ALG10: variants seen among roughly 807,000 people sequenced by gnomAD.
ALG10 encodes ALG10 alpha-1,2-glucosyltransferase.
A neutral mutation model predicts 39.2 loss-of-function variants in ALG10; 25 were observed. The observed-to-expected ratio is 0.64, with a 90% CI of 0.46 to 0.89. The LOEUF (loss-of-function observed/expected upper bound fraction) is 0.89. ALG10 is among the 40% of genes least tolerant of loss of function. The pLI, the probability that ALG10 is intolerant of heterozygous loss-of-function variation, is 0.00. For synonymous variants in ALG10, 184 were observed against 193.9 expected (o/e 0.95, Z 0.42); for missense variants, 486 against 546.6 (o/e 0.89, Z 1.11).
upstream of ALG10, chr12:34,022,381 G>A (rs1289846422): frequency 3.6e-5 from 23 of 647,266 alleles, no homozygotes; most frequent in Non-Finnish European, 4.6e-5. Context: ...CGATTGAGAG[G>A]GTAATCATCC....
chr12:34,025,421 A>C (rs1313025961), intron 2 of ALG10, among the ~76,000 whole-genome samples: 2 of 152,178 alleles, frequency 1.3e-5, no homozygotes, highest in Non-Finnish European at 2.9e-5. Context: ...CCTTGTGTAG[A>C]GTTATGAAGG....
upstream of ALG10, chr12:34,022,494 C>G (rs1330974677): frequency 6.3e-7 from 1 of 1,579,386 alleles, no homozygotes; most frequent in Non-Finnish European, 8.7e-7. Context: ...CCCCGTCTGG[C>G]TAGTCCCGCC....
intron 1 of ALG10, chr12:34,023,111 CTT>C (rs760826874): frequency 3.8e-6 from 1 of 260,956 alleles, no homozygotes; most frequent in Middle Eastern, 1.2e-3. Flanking sequence ...TACCAGAAAA[CTT>C]TCCTTTAGCT....
chr12:34,022,857 C>T, intron 1 of ALG10, 87 bp downstream of exon 1: 1 of 1,569,132 alleles, frequency 6.4e-7, no homozygotes. Context: ...CTTCACTCGT[C>T]CTGTTCCACC....
intron 1 of ALG10, 132 bp from the exon 2 acceptor site, chr12:34,023,830 A>C: frequency 1.6e-6 from 2 of 1,246,282 alleles, no homozygotes; most frequent in Non-Finnish European, 1.2e-6. Flanking sequence ...CCAAGGACTT[A>C]CTTAATCTTG....
chr12:34,022,457 C>T (rs1221955898), upstream of ALG10: 10 of 1,356,370 alleles, frequency 7.4e-6, no homozygotes, highest in African/African-American at 4.3e-5. Context: ...CGCGCTCTCC[C>T]AGCATCCTTT....
In ALG10 at chr12:34,027,259, A is replaced by G. The variant is rs573089394; in HGVS notation, c.*344A>G. 1 of 166,416 alleles carries G rather than the reference A, an allele frequency of 6.0e-6. No homozygotes were observed. The highest frequency in any genetic ancestry group is 2.4e-5 in the African/African-American group (1 of 42,074). The allele number at this position is 166,416 out of a possible 1,614,324, so 10.3% of individuals were successfully genotyped here. A position where few individuals can be genotyped will look rare whatever the true frequency, so the allele number is the denominator to read the frequency against. ...TGCTTCATATTACTGGAATGAATTT[A>G]TTCTCTTCAGAGAGAAATATTAGGT... On this transcript the variant is annotated 3_prime_UTR_variant, in exon 3 of 3. Coordinates refer to ENST00000266483, the MANE Select transcript of ALG10 (RefSeq NM_032834.4).
At chr12:34,023,031 G>A in intron 1 of ALG10, 1 of 509,312 alleles carries the variant, frequency 2.0e-6, no homozygotes, top group Non-Finnish European at 3.4e-6. Flanking sequence ...CCTCTTGGCA[G>A]CTGACGATAT....
At chr12:34,022,403 TA>T, upstream of ALG10, 1 of 835,592 alleles carries the variant, frequency 1.2e-6, no homozygotes, top group Non-Finnish European at 1.9e-6. Flanking sequence ...GTCCGTTATC[TA>T]AACCCGTCAC....
rs1165713335 is a variant in ALG10, at chr12:34,026,295, G to T, written c.802G>T (p.Val268Leu). The change falls in exon 3 of 3, where the codon GTA becomes TTA. Residue 268 changes from valine (V) to leucine (L), a missense_variant. Val to Leu is a conservative substitution (Grantham distance 32, BLOSUM62 1). Coordinates refer to ENST00000266483, the MANE Select transcript of ALG10 (RefSeq NM_032834.4). ...ILLGFLFCAF[V>L]VVNGGIVIGD... ...TCTGGGATTTCTGTTTTGTGCTTTT[G>T]TAGTAGTTAATGGTGGAATTGTTAT... is the stretch of plus-strand genomic sequence containing the variant. The T allele has an allele frequency of 1.9e-6, 3 of 1,614,094 alleles. No homozygotes were observed. Among genetic ancestry groups the T allele is most frequent in the Non-Finnish European group, 2.5e-6 (3 of 1,179,976 alleles).
In ALG10 at chr12:34,022,609, C is replaced by G. The variant is rs774202014; in HGVS notation, c.10C>G (p.Leu4Val). The G allele has an allele frequency of 6.2e-7, 1 of 1,614,130 alleles. No homozygotes were observed. The change falls in exon 1 of 3, where the codon CTG (leucine) becomes GTG (valine). Residue 4 changes from leucine (L) to valine (V), a missense_variant. Physicochemically the swap from Leu to Val is conservative, Grantham distance 32 (BLOSUM62 1). Coordinates refer to ENST00000266483, the MANE Select transcript of ALG10 (RefSeq NM_032834.4). ...GGCTGTGGGAGCTGGAATGGCGCAG[C>G]TGGAAGGTTACTATTTCTCGGCCGC... MAQ[L>V]EGYYFSAALS...
rs1304388790 is a variant in ALG10 at position 34,026,060 on chromosome 12, TATC to T, written c.571_573del (p.Ile191del). On this transcript the variant is annotated inframe_deletion, in exon 3 of 3. Transcript: ENST00000266483. Reference sequence around the variant, plus strand: ...GTGGCTTCATGTTTCGGCAAACAAATATCATCTGGGCTGTCTTCTGTGCAGGAA... The same window carrying T: ...GTGGCTTCATGTTTCGGCAAACAAATATCTGGGCTGTCTTCTGTGCAGGAA... 1.2e-6 allele frequency: 2 copies of T among 1,613,970 alleles called. No homozygotes were observed. Among genetic ancestry groups the T allele is most frequent in the Non-Finnish European group, 1.7e-6 (2 of 1,179,978 alleles).
In ALG10 at chr12:34,022,613, A is replaced by C. The variant is rs1213124844; in HGVS notation, c.14A>C (p.Glu5Ala). 6.2e-7 allele frequency: 1 copy of C among 1,614,048 alleles called. No homozygotes were observed. The highest frequency in any genetic ancestry group is 1.1e-5 in the South Asian group (1 of 91,076). Residue 5 changes from glutamate to alanine, a missense_variant, in exon 1 of 3, where the codon GAA becomes GCA. Coordinates refer to ENST00000266483, the MANE Select transcript of ALG10 (RefSeq NM_032834.4). ...GTGGGAGCTGGAATGGCGCAGCTGGAAGGTTACTATTTCTCGGCCGCCTTG... is the reference window on the plus strand; with the variant it reads ...GTGGGAGCTGGAATGGCGCAGCTGGCAGGTTACTATTTCTCGGCCGCCTTG... The part of the protein sequence containing the change: MAQL[E>A]GYYFSAALSC...
In ALG10 at chr12:34,025,861, A is replaced by G. The variant is rs1325050163; in HGVS notation, c.370-2A>G. The G allele has an allele frequency of 3.1e-6, 5 of 1,613,914 alleles. No individual in the cohort carries two copies. Among genetic ancestry groups the G allele is most frequent in the East Asian group, 4.5e-5 (2 of 44,858 alleles). On this transcript the variant is annotated splice_acceptor_variant, in intron 2 of 2. Transcript: ENST00000266483. LOFTEE classifies it high-confidence loss of function. The stretch of plus-strand genomic sequence containing the variant: ...TTTATCTGTGTTTCTTCTTCCTCCA[A>G]GGCTGCCTCAAGTATCCAGAGAGTC...
At position 34,026,505 on chromosome 12, in the gene ALG10, T is replaced by C. The variant is rs956889967; in HGVS notation, c.1012T>C (p.Trp338Arg). The C allele has an allele frequency of 3.7e-6, 6 of 1,613,942 alleles. No homozygotes were observed. Among genetic ancestry groups the C allele is most frequent in the Non-Finnish European group, 5.1e-6 (6 of 1,179,914 alleles). The part of the protein sequence containing the change: ...VVTLVSVFLV[W>R]KFTYAHKYLL... The stretch of plus-strand genomic sequence containing the variant: ...TACCTTAGTCTCTGTGTTTTTAGTT[T>C]GGAAATTCACTTATGCTCATAAATA... The change falls in exon 3 of 3, where the codon TGG (tryptophan) becomes CGG (arginine). Residue 338 changes from tryptophan (W) to arginine (R), a missense_variant. Physicochemically the swap from Trp to Arg is moderately radical, Grantham distance 101. Transcript: ENST00000266483.
At chr12:34,023,725 A>G (rs1942803084) in intron 1 of ALG10, 2 of 541,574 alleles carry the variant, frequency 3.7e-6, no homozygotes, top group Admixed American at 6.3e-5. Flanking sequence ...AAATAGAAAT[A>G]GATTTTAAGT....
Position 34,026,938 on chromosome 12 carries a change from GA to G in ALG10, c.*27del. Reference sequence around the variant, plus strand: ...TAATATCAGTGATATTTCGAACTGTGAAAATGGACTTAATAATTAGACCATT... The same window carrying G: ...TAATATCAGTGATATTTCGAACTGTGAAATGGACTTAATAATTAGACCATT... On this transcript the variant is annotated 3_prime_UTR_variant, in exon 3 of 3. Coordinates refer to ENST00000266483, the MANE Select transcript of ALG10 (RefSeq NM_032834.4). The G allele has an allele frequency of 1.9e-6, 3 of 1,607,142 alleles. No individual in the cohort carries two copies. Among genetic ancestry groups the G allele is most frequent in the Non-Finnish European group, 2.6e-6 (3 of 1,176,204 alleles).
At chr12:34,025,468 G>A (rs1942820483) in intron 2 of ALG10, among the ~76,000 whole-genome samples, 1 of 152,138 alleles carries the variant, frequency 6.6e-6, no homozygotes, top group South Asian at 2.1e-4. Context: ...ATGGCTAAGT[G>A]AATCCTTACT....
chr12:34,022,396 C>G (rs963718646), upstream of ALG10: 3 of 753,912 alleles, frequency 4.0e-6, no homozygotes, highest in African/African-American at 1.7e-5. Context: ...TCATCCGGTC[C>G]GTTATCTAAA....
Sources: gnomAD v4.1 joint callset for allele counts (sites outside exome capture counted in the v4.1 genomes callset) on GRCh38, gnomAD v4.1.1 for gene constraint, MANE v1.5 for transcripts, NCBI Gene and HGNC (gene_info 2026-07-23, HGNC 2026-07-21) for gene names.